NDUFS4: variants seen among roughly 807,000 people sequenced by gnomAD.
The protein encoded by NDUFS4 is NADH dehydrogenase [ubiquinone] iron-sulfur protein 4, mitochondrial.
Under a neutral mutation model 24.3 loss-of-function variants are expected in NDUFS4, and 28 were observed. That is an observed-to-expected ratio of 1.15 (90% CI 0.85 to 1.58). The LOEUF is 1.58. NDUFS4 is among the 40% of genes most tolerant of loss of function. NDUFS4 has a pLI of 0.00. For synonymous variants in NDUFS4, 93 were observed against 69.7 expected, an observed-to-expected ratio of 1.34 and a Z score of -1.67; for missense variants, 223 against 207.9, an observed-to-expected ratio of 1.07 and a Z score of -0.45.
At chr5:53,577,856 G>T (rs1206744457) in intron 1 of NDUFS4, among the ~76,000 whole-genome samples, 1 of 152,168 alleles carries the variant, frequency 6.6e-6, no homozygotes, top group African/African-American at 2.4e-5. Context: ...GTTGACCCGG[G>T]ATTGTGTATA....
Position 53,658,611 on chromosome 5 carries a change from T to C in NDUFS4, c.411T>C (p.Phe137=). 6.2e-7 allele frequency: 1 copy of C among 1,612,232 alleles called. No homozygotes were observed. Among genetic ancestry groups the C allele is most frequent in the Non-Finnish European group, 8.5e-7 (1 of 1,179,032 alleles). Residue 137 remains phenylalanine (F), a synonymous_variant, in exon 4 of 5, where the codon TTT becomes TTC. Transcript: ENST00000296684. ...GTACTAAAGAAGATGCAGTTTCCTT[T>C]GCAGAAAAAAATGGTATGTTTGGTC... ...TFSTKEDAVS[F]AEKNGWSYDI...
chr5:53,569,225 ATTAGAC>A (rs1749137060), intron 1 of NDUFS4, among the ~76,000 whole-genome samples: 1 of 152,120 alleles, frequency 6.6e-6, no homozygotes, highest in Admixed American at 6.5e-5. Flanking sequence ...GTCTAATAAG[ATTAGAC>A]TTAGACATGT....
intron 4 of NDUFS4, among the ~76,000 whole-genome samples, chr5:53,677,330 C>T (rs1025141512): frequency 1.5e-4 from 23 of 152,200 alleles, no homozygotes; most frequent in African/African-American, 5.5e-4. Flanking sequence ...TAGAGTATTA[C>T]TAATCTAACA....
At chr5:53,630,306 C>G (rs1220499089) in intron 2 of NDUFS4, among the ~76,000 whole-genome samples, 1 of 151,888 alleles carries the variant, frequency 6.6e-6, no homozygotes, top group Non-Finnish European at 1.5e-5. Flanking sequence ...TCTGGCTGCC[C>G]TTAACATTTT....
intron 1 of NDUFS4, among the ~76,000 whole-genome samples, chr5:53,598,469 T>C (rs1485292100): frequency 6.6e-6 from 1 of 152,210 alleles, no homozygotes; most frequent in African/African-American, 2.4e-5. Flanking sequence ...AGTAGAACTA[T>C]CGTCAGTTCC....
intron 2 of NDUFS4, among the ~76,000 whole-genome samples, 195 bp downstream of exon 2, chr5:53,603,725 C>T (rs1035188310): frequency 2.0e-5 from 3 of 151,912 alleles, no homozygotes; most frequent in African/African-American, 7.3e-5. Context: ...AATACAAAAC[C>T]ATATGCAAAT....
chr5:53,579,588 T>C (rs1266463785), intron 1 of NDUFS4, among the ~76,000 whole-genome samples: 1 of 152,208 alleles, frequency 6.6e-6, no homozygotes, highest in Non-Finnish European at 1.5e-5. Context: ...TGGTGTCATG[T>C]GCCTGTAGTC....
At chr5:53,571,879 T>C (rs1315329721) in intron 1 of NDUFS4, among the ~76,000 whole-genome samples, 2 of 152,224 alleles carry the variant, frequency 1.3e-5, no homozygotes, top group Non-Finnish European at 2.9e-5. Flanking sequence ...ATCATGTTAT[T>C]TTCTTATTGT....
chr5:53,658,513 T>C, intron 3 of NDUFS4, 38 bp from the exon 4 acceptor site: 3 of 1,429,338 alleles, frequency 2.1e-6, no homozygotes, highest in Non-Finnish European at 3.0e-6. Flanking sequence ...CAGCTAAAGC[T>C]TAATGTTAAA....
intron 1 of NDUFS4, among the ~76,000 whole-genome samples, chr5:53,581,654 T>C (rs1749570499): frequency 6.6e-6 from 1 of 152,156 alleles, no homozygotes; most frequent in African/African-American, 2.4e-5. Context: ...TTAAGTCCTG[T>C]TTATCCTTCA....
At chr5:53,636,908 G>C (rs959517502) in intron 2 of NDUFS4, among the ~76,000 whole-genome samples, 1 of 152,100 alleles carries the variant, frequency 6.6e-6, no homozygotes, top group Non-Finnish European at 1.5e-5. Flanking sequence ...AGCTCTCTGA[G>C]GCCTCCCCAG....
chr5:53,636,071 A>G (rs1751542731), intron 2 of NDUFS4, among the ~76,000 whole-genome samples: 2 of 152,212 alleles, frequency 1.3e-5, no homozygotes, highest in East Asian at 1.9e-4. Flanking sequence ...TTTTAAAGAG[A>G]TGGGGTCTCA....
chr5:53,576,438 G>C (rs911536391), intron 1 of NDUFS4, among the ~76,000 whole-genome samples: 7 of 152,112 alleles, frequency 4.6e-5, no homozygotes, highest in African/African-American at 1.7e-4. Context: ...GTCTGTCTCT[G>C]AATGACAGCT....
chr5:53,680,985 C>T (rs1740646234), intron 4 of NDUFS4, among the ~76,000 whole-genome samples: 2 of 151,882 alleles, frequency 1.3e-5, no homozygotes, highest in African/African-American at 4.8e-5. Context: ...CCCTGTATAC[C>T]CCATCTAAAG....
intron 2 of NDUFS4, among the ~76,000 whole-genome samples, chr5:53,618,512 T>C (rs892709769): frequency 6.6e-6 from 1 of 152,130 alleles, no homozygotes; most frequent in Non-Finnish European, 1.5e-5. Flanking sequence ...GGTCCTGTGT[T>C]AGTCATGTGT....
intron 4 of NDUFS4, among the ~76,000 whole-genome samples, chr5:53,670,953 A>G (rs192661930): frequency 5.1e-4 from 78 of 151,636 alleles, no homozygotes; most frequent in South Asian, 4.8e-3. Flanking sequence ...TAGACTATAT[A>G]TTATTTATAC....
intron 2 of NDUFS4, among the ~76,000 whole-genome samples, chr5:53,619,602 A>G (rs1330972600): frequency 6.6e-6 from 1 of 152,032 alleles, no homozygotes; most frequent in Non-Finnish European, 1.5e-5. Flanking sequence ...TTGTGGAAAC[A>G]TTAATTTGGA....
At chr5:53,627,632 T>C (rs566245862) in intron 2 of NDUFS4, among the ~76,000 whole-genome samples, 2 of 152,346 alleles carry the variant, frequency 1.3e-5, no homozygotes, top group East Asian at 3.9e-4. Context: ...TATTTTATTC[T>C]CTTTGTAGTA....
intron 2 of NDUFS4, among the ~76,000 whole-genome samples, chr5:53,613,994 T>C (rs1561363387): frequency 6.6e-6 from 1 of 152,030 alleles, no homozygotes; most frequent in Non-Finnish European, 1.5e-5. Flanking sequence ...TTGTATTTCA[T>C]ATTTTTGTCT....
Sources: allele counts gnomAD v4.1 joint callset (sites outside exome capture counted in the v4.1 genomes callset), GRCh38; gene constraint gnomAD v4.1.1; transcripts MANE v1.5; gene names NCBI Gene and HGNC (gene_info 2026-07-23, HGNC 2026-07-21).